The following TNR variants were observed in gnomAD, a reference collection of about 807,000 sequenced individuals.
TNR encodes the protein tenascin R.
In TNR, 45 loss-of-function variants were observed where a neutral mutation model predicts 150.4. That is an observed-to-expected ratio of 0.30 (90% CI 0.24 to 0.38). TNR has a LOEUF of 0.38. Among genes scored for constraint, TNR ranks in the 10% least tolerant of loss-of-function variants. TNR has a pLI of 1.00. For missense variants in TNR, 1,544 were observed against 1,759.1 expected, an observed-to-expected ratio of 0.88 and a Z score of 2.19; for synonymous variants, 687 against 678.4, an observed-to-expected ratio of 1.01 and a Z score of -0.20.
At chr1:175,396,227 T>C (rs1225417401) in intron 5 of TNR, among the ~76,000 whole-genome samples, 3 of 152,242 alleles carry the variant, frequency 2.0e-5, no homozygotes, top group African/African-American at 4.8e-5. Context: ...TCAAAGTCTG[T>C]AGATGTCTTA....
At position 175,403,245 on chromosome 1, in the gene TNR, C is replaced by A. The variant is rs762411728; in HGVS notation, c.871G>T (p.Asp291Tyr). The A allele has an allele frequency of 1.1e-5, 17 of 1,614,190 alleles. No homozygotes were observed. Among genetic ancestry groups the A allele is most frequent in the Middle Eastern group, 1.6e-4 (1 of 6,062 alleles). ...TTCAGACACTGCCGCTGGCCGCAGT[C>A]CTCACCAACGTAGCCCTCCTCGCAT... ...CLCEEGYVGE[D>Y]CGQRQCLNAC... Residue 291 changes from aspartate (D) to tyrosine (Y), a missense_variant, in exon 4 of 23, where the codon GAC (aspartate) becomes TAC (tyrosine). Asp to Tyr is a radical substitution (Grantham distance 160). Transcript: ENST00000367674.
chr1:175,600,737 T>A lies in TNR; in HGVS notation c.-164-72368A>T, dbSNP rs139340137. On this transcript the variant is annotated intron_variant, in intron 1 of 22. Transcript: ENST00000367674. ...TGGAGGAAGGAGCTCATTTAAAAAA[T>A]TTTCAACAACTTACCTTACGGGCTT... Among the ~76,000 whole-genome samples, 1,020 of 152,300 alleles carry A rather than the reference T, an allele frequency of 6.7e-3. 12 individuals are homozygous for A. The highest frequency in any genetic ancestry group is 0.021 in the African/African-American group (864 of 41,558).
At chr1:175,713,271 T>C (rs1469950757) in intron 1 of TNR, among the ~76,000 whole-genome samples, 2 of 152,174 alleles carry the variant, frequency 1.3e-5, no homozygotes, top group African/African-American at 4.8e-5. Flanking sequence ...AGGACCTGGG[T>C]TTCCTGTGTG....
chr1:175,545,311 C>G (rs1478342828), intron 1 of TNR, among the ~76,000 whole-genome samples: 1 of 152,020 alleles, frequency 6.6e-6, no homozygotes, highest in Non-Finnish European at 1.5e-5. Context: ...AAAGCTGAAG[C>G]CAGATTGCTA....
chr1:175,740,785 T>C (rs1487630185), intron 1 of TNR, among the ~76,000 whole-genome samples: 1 of 152,170 alleles, frequency 6.6e-6, no homozygotes, highest in African/African-American at 2.4e-5. Flanking sequence ...CTTGCCACAT[T>C]CAGAGCCACA....
intron 8 of TNR, among the ~76,000 whole-genome samples, chr1:175,381,206 T>C (rs959868601): frequency 6.6e-6 from 1 of 152,186 alleles, no homozygotes; most frequent in Non-Finnish European, 1.5e-5. Context: ...CCCTGCATTG[T>C]TGCCCCTAAA....
chr1:175,723,544 T>C (rs1667397660), intron 1 of TNR, among the ~76,000 whole-genome samples: 1 of 152,234 alleles, frequency 6.6e-6, no homozygotes, highest in Non-Finnish European at 1.5e-5. Flanking sequence ...CTTATATATA[T>C]GGTTAGAATA....
chr1:175,346,309 A>G (rs1210377484), intron 18 of TNR, among the ~76,000 whole-genome samples: 1 of 152,242 alleles, frequency 6.6e-6, no homozygotes, highest in Non-Finnish European at 1.5e-5. Context: ...CCTATCCATA[A>G]GAATCCAGAG....
intron 1 of TNR, among the ~76,000 whole-genome samples, chr1:175,688,780 C>T (rs1666272204): frequency 6.6e-6 from 1 of 152,198 alleles, no homozygotes; most frequent in South Asian, 2.1e-4. Context: ...TTTCCCAAAA[C>T]TCCCTACCCA....
Position 175,674,809 on chromosome 1 carries a change from G to GT in TNR, c.-165+68416_-165+68417insA, listed in dbSNP as rs561207652. On this transcript the variant is annotated intron_variant, in intron 1 of 22. Coordinates refer to ENST00000367674, the MANE Select transcript of TNR (RefSeq NM_003285.3). ...CCCTTGACAGAGAGGAGAGGACCAG[G>GT]CCCCCCAGCATCAATCTGCTGGACT... 9.2e-5 allele frequency among the ~76,000 whole-genome samples: 14 copies of GT among 152,214 alleles called. 1 individual carries two copies. The South Asian group carries it at 2.9e-3, about 32-fold the overall frequency.
At chr1:175,627,918 C>G (rs746566672) in intron 1 of TNR, among the ~76,000 whole-genome samples, 1 of 152,052 alleles carries the variant, frequency 6.6e-6, no homozygotes, top group Admixed American at 6.5e-5. Flanking sequence ...CTGTAAAAGC[C>G]GAAGAAGCCA....
intron 2 of TNR, among the ~76,000 whole-genome samples, chr1:175,458,466 A>G (rs955794226): frequency 2.6e-5 from 4 of 152,264 alleles, no homozygotes; most frequent in Non-Finnish European, 5.9e-5. Context: ...AATAATAATT[A>G]ACGCAATATA....
chr1:175,475,048 A>G lies in TNR; in HGVS notation c.-64+53221T>C, dbSNP rs1657486232. The stretch of plus-strand genomic sequence containing the variant: ...GCTTGGACTCAAGAAGAGGAAGTCT[A>G]TAGCAACAGCTGCTCATATAATCCC... On this transcript the variant is annotated intron_variant, in intron 2 of 22. Coordinates refer to ENST00000367674, the MANE Select transcript of TNR (RefSeq NM_003285.3). 1.3e-5 allele frequency among the ~76,000 whole-genome samples: 2 copies of G among 152,238 alleles called. 1 individual carries two copies. The highest frequency in any genetic ancestry group is 4.1e-4 in the South Asian group (2 of 4,830).
chr1:175,669,156 T>C (rs974975182), intron 1 of TNR, among the ~76,000 whole-genome samples: 1 of 152,256 alleles, frequency 6.6e-6, no homozygotes, highest in African/African-American at 2.4e-5. Context: ...CATTATCTCA[T>C]GCAGGGCTCT....
chr1:175,427,486 G>A (rs1179694808), intron 2 of TNR, among the ~76,000 whole-genome samples: 1 of 152,144 alleles, frequency 6.6e-6, no homozygotes, highest in Non-Finnish European at 1.5e-5. Context: ...TCACAGCACA[G>A]GATTAGGCAC....
chr1:175,694,937 T>C (rs1666469196), intron 1 of TNR, among the ~76,000 whole-genome samples: 2 of 152,342 alleles, frequency 1.3e-5, no homozygotes, highest in Non-Finnish European at 1.5e-5. Context: ...AGAACTTTAT[T>C]ATGGCAGCCT....
chr1:175,637,084 T>TC (rs1664511014), intron 1 of TNR, among the ~76,000 whole-genome samples: 1 of 152,218 alleles, frequency 6.6e-6, no homozygotes, highest in Non-Finnish European at 1.5e-5. Context: ...AGCCAGTTAG[T>TC]CCCTATAGAC....
intron 2 of TNR, among the ~76,000 whole-genome samples, chr1:175,442,659 C>A (rs1655849315): frequency 6.6e-6 from 1 of 151,758 alleles, no homozygotes; most frequent in Non-Finnish European, 1.5e-5. Context: ...CCCTGGCATG[C>A]TTCAGCCATT....
chr1:175,685,259 GACTTGAA>G (rs1666154831), intron 1 of TNR, among the ~76,000 whole-genome samples: 2 of 152,144 alleles, frequency 1.3e-5, no homozygotes, highest in South Asian at 4.2e-4. Context: ...TCAAGGAAAA[GACTTGAA>G]ACTTCACCAA....
Sources: gnomAD v4.1 joint callset for allele counts (sites outside exome capture counted in the v4.1 genomes callset) on GRCh38, gnomAD v4.1.1 for gene constraint, MANE v1.5 for transcripts, NCBI Gene and HGNC (gene_info 2026-07-23, HGNC 2026-07-21) for gene names.